The following GRIP1 variants were observed in gnomAD, a reference collection of about 807,000 sequenced individuals.
GRIP1 encodes the protein glutamate receptor interacting protein 1, also known as glutamate receptor-interacting protein 1.
A neutral mutation model predicts 129.9 loss-of-function variants in GRIP1; 45 were observed. The ratio of observed to expected loss-of-function variants is 0.35; its 90% CI spans 0.27 to 0.44. GRIP1 has a LOEUF of 0.44. Among genes scored for constraint, GRIP1 ranks in the 20% least tolerant of loss-of-function variants. The pLI, the probability that GRIP1 is intolerant of heterozygous loss-of-function variation, is 1.00. For missense variants in GRIP1, 1,196 were observed against 1,396.8 expected (o/e 0.86, Z 2.29); for synonymous variants, 530 against 520.8 (o/e 1.02, Z -0.24).
chr12:66,753,247 T>C (rs879677739), intron 1 of GRIP1, among the ~76,000 whole-genome samples: 3 of 152,230 alleles, frequency 2.0e-5, no homozygotes, highest in Admixed American at 2.0e-4. Context: ...TTTGGGCATA[T>C]GGCTAAAATA....
intron 1 of GRIP1, among the ~76,000 whole-genome samples, chr12:66,670,179 G>A (rs969124387): frequency 2.6e-5 from 4 of 152,154 alleles, no homozygotes; most frequent in African/African-American, 9.7e-5. Context: ...GAGATGCTCA[G>A]AACATTGCAC....
chr12:66,673,755 C>T lies in GRIP1; in HGVS notation c.55+5095G>A, dbSNP rs573869850. 9.9e-4 allele frequency among the ~76,000 whole-genome samples: 150 copies of T among 152,222 alleles called. 1 individual carries two copies. The highest frequency in any genetic ancestry group is 3.5e-3 in the African/African-American group (145 of 41,536). On this transcript the variant is annotated intron_variant, in intron 1 of 24. Coordinates refer to ENST00000359742, the MANE Select transcript of GRIP1 (RefSeq NM_001366722.1). ...ATCTGGACCACGAGCAGCACTTGCG[C>T]GAGAACAAGACCTGCCTGGGACCCA...
At chr12:66,638,271 G>C (rs2031594720) in intron 1 of GRIP1, among the ~76,000 whole-genome samples, 1 of 152,032 alleles carries the variant, frequency 6.6e-6, no homozygotes, top group African/African-American at 2.4e-5. Flanking sequence ...TTATTTTGAG[G>C]GTTCTGATGA....
intron 1 of GRIP1, among the ~76,000 whole-genome samples, chr12:66,696,804 C>CAAAAAAAAAAAA (rs35445606): frequency 1.9e-5 from 2 of 103,714 alleles, no homozygotes; most frequent in African/African-American, 8.1e-5. Flanking sequence ...GACTCTGTCT[C>CAAAAAAAAAAAA]AAAAAAAAAA....
chr12:66,418,448 C>T (rs2057687514), intron 15 of GRIP1, among the ~76,000 whole-genome samples: 1 of 151,808 alleles, frequency 6.6e-6, no homozygotes, highest in Non-Finnish European at 1.5e-5. Context: ...GGGATCACAA[C>T]AAGTGAAAAA....
intron 1 of GRIP1, among the ~76,000 whole-genome samples, chr12:66,965,709 T>C (rs1420787695): frequency 6.6e-6 from 1 of 152,016 alleles, no homozygotes; most frequent in Non-Finnish European, 1.5e-5. Flanking sequence ...TATTTTCTCT[T>C]TTCATTATGG....
At chr12:66,511,739 G>C (rs1215363143) in intron 7 of GRIP1, among the ~76,000 whole-genome samples, 1 of 152,134 alleles carries the variant, frequency 6.6e-6, no homozygotes, top group African/African-American at 2.4e-5. Context: ...CCATGACATA[G>C]GAGAGCCTTT....
At chr12:66,806,367 T>G (rs991088305), upstream of GRIP1, among the ~76,000 whole-genome samples, 2 of 152,196 alleles carry the variant, frequency 1.3e-5, no homozygotes, top group African/African-American at 4.8e-5. Flanking sequence ...AAATGGAATT[T>G]GAAAAAATTG....
At chr12:66,608,426 A>G (rs2064637151) in intron 1 of GRIP1, among the ~76,000 whole-genome samples, 1 of 152,126 alleles carries the variant, frequency 6.6e-6, no homozygotes, top group South Asian at 2.1e-4. Flanking sequence ...TCCACCTCCC[A>G]GGTTCAAGAG....
At chr12:66,679,191 A>C, upstream of GRIP1, 1 of 1,280,824 alleles carries the variant, frequency 7.8e-7, no homozygotes. Context: ...AAAGCACCAA[A>C]TTGTACAAAG....
chr12:66,420,119 T>G (rs761991745), intron 15 of GRIP1, among the ~76,000 whole-genome samples: 1 of 152,146 alleles, frequency 6.6e-6, no homozygotes, highest in Non-Finnish European at 1.5e-5. Flanking sequence ...AAAGTATTTA[T>G]TTAATAAAAT....
At chr12:66,422,181 C>T (rs2057825671) in intron 14 of GRIP1, among the ~76,000 whole-genome samples, 1 of 152,166 alleles carries the variant, frequency 6.6e-6, no homozygotes, top group Non-Finnish European at 1.5e-5. Context: ...GAACAGATGG[C>T]TTAATATCTT....
intron 1 of GRIP1, among the ~76,000 whole-genome samples, chr12:66,958,857 C>T (rs191511845): frequency 1.3e-4 from 20 of 152,250 alleles, no homozygotes; most frequent in African/African-American, 4.8e-4. Context: ...GCTTTTGATG[C>T]ATATTACGAA....
At chr12:66,516,538 G>A (rs2060849570) in intron 6 of GRIP1, among the ~76,000 whole-genome samples, 1 of 152,058 alleles carries the variant, frequency 6.6e-6, no homozygotes, top group African/African-American at 2.4e-5. Context: ...AAGTCTTTTG[G>A]CTCCAATTTT....
At chr12:67,009,153 C>T (rs533886761) in intron 1 of GRIP1, among the ~76,000 whole-genome samples, 3 of 152,144 alleles carry the variant, frequency 2.0e-5, no homozygotes, top group South Asian at 2.1e-4. Flanking sequence ...TTTAGAAAAC[C>T]GCATCCTCTT....
At chr12:66,623,643 C>T (rs2065368396) in intron 1 of GRIP1, among the ~76,000 whole-genome samples, 1 of 152,248 alleles carries the variant, frequency 6.6e-6, no homozygotes, top group South Asian at 2.1e-4. Flanking sequence ...ACCAGTCATC[C>T]CTTCCCTCTT....
At chr12:66,656,661 A>T (rs902479868) in intron 1 of GRIP1, among the ~76,000 whole-genome samples, 1 of 151,358 alleles carries the variant, frequency 6.6e-6, no homozygotes, top group Non-Finnish European at 1.5e-5. Flanking sequence ...TGGAAATAAC[A>T]TATTTCTTTG....
At chr12:67,067,799 C>T (rs1343976254) in intron 1 of GRIP1, among the ~76,000 whole-genome samples, 2 of 152,198 alleles carry the variant, frequency 1.3e-5, no homozygotes, top group Admixed American at 6.5e-5. Flanking sequence ...GCTCACCAAA[C>T]TGCTGCATTA....
chr12:66,774,731 C>G (rs1356645412), intron 1 of GRIP1, among the ~76,000 whole-genome samples: 1 of 152,196 alleles, frequency 6.6e-6, no homozygotes, highest in Non-Finnish European at 1.5e-5. Context: ...TGGAGCTACA[C>G]TTGTACTATT....
Sources: allele counts gnomAD v4.1 joint callset (sites outside exome capture counted in the v4.1 genomes callset), GRCh38; gene constraint gnomAD v4.1.1; transcripts MANE v1.5; gene names NCBI Gene and HGNC (gene_info 2026-07-23, HGNC 2026-07-21).